The following JHY variants were observed in gnomAD, a reference collection of about 807,000 sequenced individuals.
The protein encoded by JHY is junctional cadherin complex regulator, also known as jhy protein homolog.
JHY carries 69 observed loss-of-function variants against 78.0 expected under a neutral mutation model. The ratio of observed to expected loss-of-function variants is 0.88; its 90% confidence interval spans 0.73 to 1.08. The LOEUF is 1.08. Ranked by LOEUF, JHY falls within the 50% of genes least tolerant of loss-of-function variation. The pLI, the probability that JHY is intolerant of heterozygous loss-of-function variation, is 0.00. For synonymous variants in JHY, 368 were observed against 342.6 expected (o/e 1.07, Z -0.82); for missense variants, 944 against 927.8 (o/e 1.02, Z -0.23).
intron 3 of JHY, 47 bp from the exon 4 acceptor site, chr11:122,924,850 A>G (rs373949352): frequency 2.2e-5 from 32 of 1,475,606 alleles, no homozygotes; most frequent in Admixed American, 5.1e-5. Flanking sequence ...TGGCTCTAAG[A>G]CTAAAATGAA....
Position 122,903,926 on chromosome 11 carries a change from C to G in JHY, c.346C>G (p.Gln116Glu). ...HTWDQGANNRQQPIEDKYSDL... is the reference protein window; with the variant it reads ...HTWDQGANNREQPIEDKYSDL... ...GCATTTCTCTTCTGCTTTGGGCAGG[C>G]AACAACCAATAGAAGACAAATATTC... Residue 116 changes from glutamine to glutamate, a missense_variant and splice_region_variant, in exon 3 of 9, where the codon CAA becomes GAA. Transcript: ENST00000227349. 6.4e-7 allele frequency: 1 copy of G among 1,572,122 alleles called. No individual in the cohort carries two copies. Among genetic ancestry groups the G allele is most frequent in the Non-Finnish European group, 8.6e-7 (1 of 1,157,326 alleles).
In JHY at chr11:122,923,984, A is replaced by G. The variant is rs563827868; in HGVS notation, c.865-913A>G. On this transcript the variant is annotated intron_variant, in intron 3 of 8. Coordinates refer to ENST00000227349, the MANE Select transcript of JHY (RefSeq NM_024806.4). ...GAACTCCTGCCCTCGTGATCCACCC[A>G]CCTTGGCTTCCCAAAGTGCCGGGAT... is the stretch of plus-strand genomic sequence containing the variant. Among the ~76,000 whole-genome samples the G allele has an allele frequency of 2.3e-4, 32 of 138,174 alleles. 1 individual carries two copies. In the East Asian group the frequency reaches 6.4e-3, roughly 27 times the overall value. 90.6% of individuals were successfully genotyped at this position (138,174 alleles called of 152,430 possible).
intron 2 of JHY, among the ~76,000 whole-genome samples, chr11:122,889,822 G>A (rs945120193): frequency 6.6e-6 from 1 of 152,090 alleles, no homozygotes; most frequent in Non-Finnish European, 1.5e-5. Flanking sequence ...GAAGTGGCAC[G>A]ATCTTGGCTC....
intron 2 of JHY, among the ~76,000 whole-genome samples, chr11:122,891,502 A>T (rs940541427): frequency 2.6e-5 from 4 of 151,926 alleles, no homozygotes; most frequent in African/African-American, 9.7e-5. Context: ...GAAGAAAGAG[A>T]TCTGTGTAAT....
rs77394575 is a variant in JHY at position 122,948,088 on chromosome 11, G to A, written c.1929+1296G>A. On this transcript the variant is annotated intron_variant, in intron 6 of 8. Transcript: ENST00000227349. ...AGTGCCTCAGTACAGAAGGGCCTCC[G>A]CGCTAAGACCACTTGAGAGGAATTA... 1.0e-3 allele frequency among the ~76,000 whole-genome samples: 158 copies of A among 152,206 alleles called. 1 individual carries two copies. The highest frequency in any genetic ancestry group is 3.7e-3 in the African/African-American group (153 of 41,538).
intron 4 of JHY, among the ~76,000 whole-genome samples, chr11:122,925,285 A>G (rs1863472214): frequency 6.6e-6 from 1 of 152,238 alleles, no homozygotes; most frequent in African/African-American, 2.4e-5. Context: ...GAAGGAAGGC[A>G]TGGAAAGACA....
At chr11:122,950,827 G>A (rs1422508039) in intron 6 of JHY, among the ~76,000 whole-genome samples, 2 of 152,176 alleles carry the variant, frequency 1.3e-5, no homozygotes, top group Admixed American at 6.5e-5. Context: ...GGGAGGTCAG[G>A]GGAGAGGAAG....
chr11:122,943,180 T>C (rs1863907835), intron 5 of JHY, among the ~76,000 whole-genome samples: 1 of 152,272 alleles, frequency 6.6e-6, no homozygotes, highest in East Asian at 1.9e-4. Context: ...CAGCTAGTTC[T>C]AAGTATTTTC....
rs1863741420 is a variant in JHY at position 122,935,805 on chromosome 11, G to A, written c.1634+730G>A. 6.6e-6 allele frequency among the ~76,000 whole-genome samples: 1 copy of A among 152,054 alleles called. No homozygotes were observed. Among genetic ancestry groups the A allele is most frequent in the South Asian group, 2.1e-4 (1 of 4,820 alleles). On this transcript the variant is annotated intron_variant, in intron 5 of 8. Transcript: ENST00000227349. This position sits in a 1 kb window ranked among gnomAD's most constrained non-coding sequence, Gnocchi z 4.5. ...GGTGACCTAAAAATCCAACAATAGGGAATGTTTAGGTAAATTATGATATTT... is the reference window on the plus strand; with the variant it reads ...GGTGACCTAAAAATCCAACAATAGGAAATGTTTAGGTAAATTATGATATTT...
At chr11:122,911,683 A>G (rs1369921740) in intron 3 of JHY, among the ~76,000 whole-genome samples, 1 of 151,894 alleles carries the variant, frequency 6.6e-6, no homozygotes, top group Admixed American at 6.6e-5. Context: ...AGGCAGGCAG[A>G]TCACCTGAGG....
At chr11:122,918,153 A>G (rs1407357544) in intron 3 of JHY, among the ~76,000 whole-genome samples, 1 of 151,516 alleles carries the variant, frequency 6.6e-6, no homozygotes, top group Non-Finnish European at 1.5e-5. Flanking sequence ...TGCCTGCCTC[A>G]GCCTCCCAAA....
At position 122,963,223 on chromosome 11, in the gene JHY, A is replaced by T. The variant is rs1387731725; in HGVS notation, c.*3778A>T. 6.6e-6 allele frequency among the ~76,000 whole-genome samples: 1 copy of T among 152,126 alleles called. No homozygotes were observed. The highest frequency in any genetic ancestry group is 1.5e-5 in the Non-Finnish European group (1 of 68,014). On this transcript the variant is annotated 3_prime_UTR_variant, in exon 9 of 9. Transcript: ENST00000227349. The stretch of plus-strand genomic sequence containing the variant: ...TTTTTCTGTTAGCTTAAGCGTTGTT[A>T]AATCCTTCACTTTCACACCTACTGT...
At chr11:122,928,237 T>G (rs2135346076) in intron 4 of JHY, among the ~76,000 whole-genome samples, 1 of 152,254 alleles carries the variant, frequency 6.6e-6, no homozygotes, top group African/African-American at 2.4e-5. Context: ...GGAGGACTGC[T>G]AGAGGCCAGG....
Position 122,917,156 on chromosome 11 carries a change from C to CA in JHY, c.865-7738dup, listed in dbSNP as rs1482495018. ...CAATAGGAATAAACAGGTTTGGGAA[C>CA]AAATGGAAAAGACTCTTGGTAAACA... On this transcript the variant is annotated intron_variant, in intron 3 of 8. Transcript: ENST00000227349. This position sits in a 1 kb window ranked among gnomAD's most constrained non-coding sequence, Gnocchi z 4.1. 1.3e-5 allele frequency among the ~76,000 whole-genome samples: 2 copies of CA among 152,038 alleles called. No individual in the cohort carries two copies. Among genetic ancestry groups the CA allele is most frequent in the African/African-American group, 4.8e-5 (2 of 41,400 alleles).
In JHY at chr11:122,956,617, G is replaced by A. The variant is rs775211435; in HGVS notation, c.2010+41G>A. On this transcript the variant is annotated intron_variant, in intron 7 of 8. Coordinates refer to ENST00000227349, the MANE Select transcript of JHY (RefSeq NM_024806.4). Reference sequence around the variant, plus strand: ...ATACAGTGTTTCCAGACCTGACTCAGCCCATCTGTCTGTTAGGAAACTTTA... The same window carrying A: ...ATACAGTGTTTCCAGACCTGACTCAACCCATCTGTCTGTTAGGAAACTTTA... The A allele has an allele frequency of 2.3e-5, 36 of 1,555,716 alleles. No homozygotes were observed. The East Asian group carries it at 6.4e-4, about 28-fold the overall frequency.
At chr11:122,945,609 C>T (rs922814875) in intron 5 of JHY, among the ~76,000 whole-genome samples, 3 of 152,150 alleles carry the variant, frequency 2.0e-5, no homozygotes, top group Non-Finnish European at 2.9e-5. Flanking sequence ...CCGTGGAAAC[C>T]TAGGCAGGCT....
At chr11:122,889,923 T>A (rs983527153) in intron 2 of JHY, among the ~76,000 whole-genome samples, 2 of 152,048 alleles carry the variant, frequency 1.3e-5, no homozygotes, top group African/African-American at 4.8e-5. Flanking sequence ...CTTTTTCTAC[T>A]TTTAGTAGAG....
intron 8 of JHY, among the ~76,000 whole-genome samples, 161 bp downstream of exon 8, chr11:122,957,652 C>T (rs1733949203): frequency 6.6e-6 from 1 of 150,772 alleles, no homozygotes; most frequent in Non-Finnish European, 1.5e-5. Context: ...AACTAAGCCT[C>T]CCCAAGTGTT....
Position 122,950,286 on chromosome 11 carries a change from G to A in JHY, c.1929+3494G>A, listed in dbSNP as rs368876929. On this transcript the variant is annotated intron_variant, in intron 6 of 8. Coordinates refer to ENST00000227349, the MANE Select transcript of JHY (RefSeq NM_024806.4). ...TTGACTGGGAAGCTGGACATCATCC[G>A]TATTATTTCTATAAGGACATGTATT... is the stretch of plus-strand genomic sequence containing the variant. 4.9e-4 allele frequency among the ~76,000 whole-genome samples: 74 copies of A among 152,268 alleles called. 1 individual carries two copies. In the South Asian group the frequency reaches 0.015, roughly 30 times the overall value.
Sources: gnomAD v4.1 joint callset for allele counts (sites outside exome capture counted in the v4.1 genomes callset) on GRCh38, gnomAD v4.1.1 for gene constraint, Gnocchi (gnomAD v3.1) non-coding constraint, MANE v1.5 for transcripts, NCBI Gene and HGNC (gene_info 2026-07-23, HGNC 2026-07-21) for gene names.